Variants in SLC9D1 observed in about 807,000 individuals in gnomAD.
The protein encoded by SLC9D1 is putative LAG1-interacting protein.
the SLC9D1 span, among the ~76,000 whole-genome samples, chr13:113,532,228 C>T: frequency 1.3e-5 from 2 of 152,296 alleles, no homozygotes; most frequent in South Asian, 4.2e-4. Flanking sequence ...GAGTGGTAGA[C>T]AAGACATCCG....
chr13:113,507,205 G>T, the SLC9D1 span, among the ~76,000 whole-genome samples: 8 of 152,102 alleles, frequency 5.3e-5, no homozygotes, highest in African/African-American at 9.7e-5. Context: ...GGAGGGAGCC[G>T]TCGGAGTCTG....
chr13:113,540,778 GTCT>G, the SLC9D1 span, among the ~76,000 whole-genome samples: 2 of 152,216 alleles, frequency 1.3e-5, no homozygotes. Context: ...TGCGTTTGTA[GTCT>G]TCTTCATGAA....
At chr13:113,546,915 G>A in the SLC9D1 span, among the ~76,000 whole-genome samples, 9 of 152,184 alleles carry the variant, frequency 5.9e-5, no homozygotes, top group Non-Finnish European at 1.3e-4. This position sits in a 1 kb window ranked among gnomAD's most constrained non-coding sequence, Gnocchi z 7.1. Flanking sequence ...TCCTGTGAGC[G>A]TGGCACTCCT....
the SLC9D1 span, among the ~76,000 whole-genome samples, chr13:113,545,127 G>A: frequency 6.6e-6 from 1 of 152,196 alleles, no homozygotes; most frequent in Non-Finnish European, 1.5e-5. Flanking sequence ...GCAGGTGTGC[G>A]CCCCCGCCAG....
chr13:113,520,399 A>T, the SLC9D1 span: 1 of 374,302 alleles, frequency 2.7e-6, no homozygotes, highest in Non-Finnish European at 4.9e-6. Context: ...CAGGAGAATC[A>T]CTTGAACCCG....
chr13:113,494,637 G>A, the SLC9D1 span, among the ~76,000 whole-genome samples: 28,138 of 151,504 alleles, frequency 0.19, 3,441 homozygotes, highest in African/African-American at 0.35. Context: ...AAAAGTTCTA[G>A]AGATCTAGGT....
At chr13:113,506,556 T>A in the SLC9D1 span, among the ~76,000 whole-genome samples, 1 of 100,090 alleles carries the variant, frequency 1.0e-5, no homozygotes, top group Non-Finnish European at 1.9e-5. Context: ...CGTGTGTGTG[T>A]GAGTGTGTGT....
chr13:113,507,347 G>A, the SLC9D1 span, among the ~76,000 whole-genome samples: 2 of 152,102 alleles, frequency 1.3e-5, no homozygotes, highest in Non-Finnish European at 1.5e-5. Context: ...TATTACTCAG[G>A]TATAAATATC....
the SLC9D1 span, among the ~76,000 whole-genome samples, chr13:113,492,675 A>G: frequency 6.6e-6 from 1 of 152,212 alleles, no homozygotes. Flanking sequence ...AGGTGGGTGG[A>G]TCACCTGAGG....
At chr13:113,498,341 G>A in the SLC9D1 span, 1 of 1,532,472 alleles carries the variant, frequency 6.5e-7, no homozygotes, top group East Asian at 2.4e-5. Flanking sequence ...CAAATGAATA[G>A]GAAGAAACAG....
the SLC9D1 span, among the ~76,000 whole-genome samples, chr13:113,502,816 G>A: frequency 6.6e-6 from 1 of 152,212 alleles, no homozygotes; most frequent in Non-Finnish European, 1.5e-5. Flanking sequence ...GTTGAGCCTG[G>A]GACTAGGCCC....
chr13:113,505,870 C>T, the SLC9D1 span: 1 of 152,246 alleles, frequency 6.6e-6, no homozygotes, highest in Non-Finnish European at 1.5e-5. Context: ...CTTTATCTTT[C>T]TGTTTTTCCA....
chr13:113,524,608 T>G, the SLC9D1 span, among the ~76,000 whole-genome samples: 1 of 152,222 alleles, frequency 6.6e-6, no homozygotes, highest in Non-Finnish European at 1.5e-5. Flanking sequence ...AGTGCTGGGA[T>G]TACAGGTGTG....
chr13:113,503,808 C>T, the SLC9D1 span: 2 of 538,366 alleles, frequency 3.7e-6, no homozygotes, highest in South Asian at 2.3e-5. Context: ...TTTGCCTTCA[C>T]ATGGCTAACT....
the SLC9D1 span, among the ~76,000 whole-genome samples, chr13:113,526,412 A>T: frequency 6.6e-6 from 1 of 152,306 alleles, no homozygotes; most frequent in Admixed American, 6.5e-5. Context: ...AGAAAGAAAA[A>T]TATTTTTAAT....
chr13:113,502,909 G>A, the SLC9D1 span, among the ~76,000 whole-genome samples: 3,637 of 152,312 alleles, frequency 0.024, 98 homozygotes, highest in East Asian at 0.12. Context: ...AGAGGAGCGC[G>A]CCCAGCACCC....
the SLC9D1 span, among the ~76,000 whole-genome samples, chr13:113,511,317 C>T: frequency 2.0e-5 from 3 of 152,204 alleles, no homozygotes; most frequent in Non-Finnish European, 2.9e-5. Context: ...AGAGAAAATA[C>T]GGAAAGAGAA....
At chr13:113,519,903 G>A in the SLC9D1 span, among the ~76,000 whole-genome samples, 4 of 152,234 alleles carry the variant, frequency 2.6e-5, no homozygotes, top group Admixed American at 1.3e-4. Context: ...AACACACCAC[G>A]TGACCAGAGG....
At chr13:113,535,624 A>C in the SLC9D1 span, among the ~76,000 whole-genome samples, 1 of 152,150 alleles carries the variant, frequency 6.6e-6, no homozygotes. This position sits in a 1 kb window ranked among gnomAD's most constrained non-coding sequence, Gnocchi z 4.1. Flanking sequence ...CCAGCAGTAA[A>C]ACCACCGGCA....
Sources: gnomAD v4.1 joint callset for allele counts (sites outside exome capture counted in the v4.1 genomes callset) on GRCh38, gnomAD v4.1.1 for gene constraint, Gnocchi (gnomAD v3.1) non-coding constraint, MANE v1.5 for transcripts, NCBI Gene and HGNC (gene_info 2026-07-23, HGNC 2026-07-21) for gene names.